CHODL: variants seen among roughly 807,000 people sequenced by gnomAD.
The protein encoded by CHODL is transmembrane protein MT75.
In CHODL, 29 loss-of-function variants were observed where a neutral mutation model predicts 34.5. The ratio of observed to expected loss-of-function variants is 0.84; its 90% CI spans 0.63 to 1.15. The LOEUF (loss-of-function observed/expected upper bound fraction) is 1.15, where lower values mean the gene tolerates loss of function less well. Ranked by LOEUF, CHODL falls within the 50% of genes most tolerant of loss-of-function variation. The pLI is 0.00. For synonymous variants in CHODL, 125 were observed against 116.1 expected (o/e 1.08, Z -0.49); for missense variants, 332 against 332.5 (o/e 1.00, Z 0.01).
intron 5 of CHODL, among the ~76,000 whole-genome samples, chr21:18,265,310 C>CATATAT (rs149734647): frequency 0.018 from 2,677 of 147,162 alleles, 50 homozygotes; most frequent in African/African-American, 0.052. Context: ...CACACACACA[C>CATATAT]ATATATATAT....
At chr21:18,056,807 T>C (rs2146477550) in intron 2 of CHODL, among the ~76,000 whole-genome samples, 1 of 152,222 alleles carries the variant, frequency 6.6e-6, no homozygotes, top group Admixed American at 6.6e-5. Flanking sequence ...TCTGAGGAGA[T>C]TAATGGTAGG....
At chr21:18,093,717 T>C (rs958030884) in intron 2 of CHODL, among the ~76,000 whole-genome samples, 1 of 151,998 alleles carries the variant, frequency 6.6e-6, no homozygotes, top group Non-Finnish European at 1.5e-5. Flanking sequence ...TAACATCAAA[T>C]TGAAAATCAT....
chr21:17,957,205 C>T (rs2063499388), intron 1 of CHODL, among the ~76,000 whole-genome samples: 1 of 152,170 alleles, frequency 6.6e-6, no homozygotes, highest in Non-Finnish European at 1.5e-5. Flanking sequence ...CTGGAGTCTA[C>T]TTGAAATGCT....
intron 1 of CHODL, among the ~76,000 whole-genome samples, chr21:17,931,752 C>T (rs1055729154): frequency 6.6e-6 from 1 of 152,088 alleles, no homozygotes; most frequent in Non-Finnish European, 1.5e-5. Flanking sequence ...TTACAAAATA[C>T]AGGCATGAAT....
At chr21:18,118,688 G>A (rs77641842) in intron 2 of CHODL, among the ~76,000 whole-genome samples, 82 of 152,156 alleles carry the variant, frequency 5.4e-4, no homozygotes, top group African/African-American at 1.6e-3. Flanking sequence ...AGCTTCTAAG[G>A]CCACTCAACA....
At chr21:18,201,334 T>G (rs2073649647) in intron 2 of CHODL, among the ~76,000 whole-genome samples, 1 of 152,186 alleles carries the variant, frequency 6.6e-6, no homozygotes, top group Admixed American at 6.5e-5. Context: ...AAATTTTTAT[T>G]TTAATAAACT....
intron 2 of CHODL, among the ~76,000 whole-genome samples, chr21:18,214,047 GA>G (rs2073799637): frequency 6.6e-6 from 1 of 152,066 alleles, no homozygotes; most frequent in Admixed American, 6.6e-5. Flanking sequence ...GAAGTTCAAT[GA>G]GTCTAAAGTC....
chr21:18,264,385 T>G (rs2146830717), intron 5 of CHODL, among the ~76,000 whole-genome samples: 1 of 152,156 alleles, frequency 6.6e-6, no homozygotes, highest in South Asian at 2.1e-4. Flanking sequence ...GTGGATCATC[T>G]GAGGTCGGGA....
chr21:18,262,895 TA>T lies in CHODL; in HGVS notation c.737+5del. 1 of 1,538,466 alleles carries T rather than the reference TA, an allele frequency of 6.5e-7. No homozygotes were observed. The highest frequency in any genetic ancestry group is 9.0e-7 in the Non-Finnish European group (1 of 1,111,958). ...TTGTTTCCAGATGCTGCATAAAAGG[TA>T]AATAACTCATATATGTAGAGACAAT... is the stretch of plus-strand genomic sequence containing the variant. On this transcript the variant is annotated splice_donor_region_variant and intron_variant, in intron 5 of 5. Coordinates refer to ENST00000299295, the MANE Select transcript of CHODL (RefSeq NM_024944.3).
At chr21:18,132,037 T>C (rs2072660803) in intron 2 of CHODL, among the ~76,000 whole-genome samples, 1 of 152,152 alleles carries the variant, frequency 6.6e-6, no homozygotes, top group Non-Finnish European at 1.5e-5. Context: ...TTTAAAAGGT[T>C]GATTAAAAAT....
intron 2 of CHODL, among the ~76,000 whole-genome samples, chr21:18,204,202 C>T (rs1454840158): frequency 6.6e-6 from 1 of 152,028 alleles, no homozygotes; most frequent in Admixed American, 6.5e-5. Context: ...GAACTCATAG[C>T]AATACTTTGA....
At chr21:18,097,757 A>C (rs1025797211) in intron 2 of CHODL, among the ~76,000 whole-genome samples, 10 of 152,188 alleles carry the variant, frequency 6.6e-5, no homozygotes, top group African/African-American at 2.4e-4. Flanking sequence ...CCATAACAGC[A>C]AAAGATACCT....
intron 1 of CHODL, among the ~76,000 whole-genome samples, chr21:17,983,986 TTGTTAACTGTGGGTAC>T (rs2063734300): frequency 6.6e-6 from 1 of 152,172 alleles, no homozygotes; most frequent in African/African-American, 2.4e-5. Flanking sequence ...CAAGTCTGGA[TTGTTAACTGTGGGTAC>T]TATGTTGTAG....
chr21:17,950,497 A>AACACACACACACACACAC (rs200120318), intron 1 of CHODL, among the ~76,000 whole-genome samples: 15 of 130,390 alleles, frequency 1.2e-4, no homozygotes, highest in African/African-American at 3.6e-4. Flanking sequence ...CTAGATACAC[A>AACACACACACACACACAC]ACACACACAC....
chr21:18,079,555 A>C (rs972849450), intron 2 of CHODL, among the ~76,000 whole-genome samples: 28 of 150,172 alleles, frequency 1.9e-4, no homozygotes, highest in African/African-American at 6.3e-4. Flanking sequence ...TATGTGATAA[A>C]TATAAAACTT....
rs1266949723 is a variant in CHODL, at chr21:18,195,695, AT to A, written c.-44-60811del. 3.3e-5 allele frequency among the ~76,000 whole-genome samples: 5 copies of A among 152,234 alleles called. No individual in the cohort carries two copies. In the East Asian group the frequency reaches 9.7e-4, roughly 29 times the overall value. On this transcript the variant is annotated intron_variant, in intron 2 of 6. Transcript: ENST00000400127. ...CACTTGGCATTTTTGCAGGTTTCTG[AT>A]TTATGTATAATTTATTTACTTGTTT... is the stretch of plus-strand genomic sequence containing the variant.
At chr21:18,184,350 C>A (rs1278618093) in intron 2 of CHODL, among the ~76,000 whole-genome samples, 1 of 152,058 alleles carries the variant, frequency 6.6e-6, no homozygotes, top group Non-Finnish European at 1.5e-5. Context: ...TATGTAAATT[C>A]TTTCAGTATA....
intron 2 of CHODL, among the ~76,000 whole-genome samples, chr21:18,082,551 A>AGT (rs2064955212): frequency 6.6e-6 from 1 of 152,138 alleles, no homozygotes; most frequent in Non-Finnish European, 1.5e-5. Flanking sequence ...AGACTTGTTG[A>AGT]GTGGTTATGA....
chr21:18,235,302 G>A (rs942794237), intron 2 of CHODL, among the ~76,000 whole-genome samples: 1 of 151,724 alleles, frequency 6.6e-6, no homozygotes, highest in African/African-American at 2.4e-5. Context: ...ACCTTCTGAT[G>A]GTAGCATTAT....
Sources: allele counts gnomAD v4.1 joint callset (sites outside exome capture counted in the v4.1 genomes callset), GRCh38; gene constraint gnomAD v4.1.1; transcripts MANE v1.5; gene names NCBI Gene and HGNC (gene_info 2026-07-23, HGNC 2026-07-21).